The following TACR3 variants were observed in gnomAD, a reference collection of about 807,000 sequenced individuals.
The protein encoded by TACR3 is neuromedin-K receptor.
Under a neutral mutation model 35.0 loss-of-function variants are expected in TACR3, and 34 were observed. The observed-to-expected ratio is 0.97, with a 90% CI of 0.74 to 1.30. The LOEUF is 1.30. TACR3 is among the 50% of genes most tolerant of loss of function. TACR3 has a pLI of 0.00. For missense variants in TACR3, 558 were observed against 591.7 expected, an observed-to-expected ratio of 0.94 and a Z score of 0.59; for synonymous variants, 233 against 221.1, an observed-to-expected ratio of 1.05 and a Z score of -0.48.
intron 3 of TACR3, among the ~76,000 whole-genome samples, chr4:103,621,336 C>CT (rs1472629926): frequency 1.3e-5 from 2 of 152,088 alleles, no homozygotes; most frequent in Admixed American, 6.5e-5. Flanking sequence ...GATGAAGAAG[C>CT]TGGGAGATAA....
chr4:103,653,328 TCTTC>T (rs1381592648), intron 3 of TACR3, among the ~76,000 whole-genome samples: 1 of 152,056 alleles, frequency 6.6e-6, no homozygotes, highest in Non-Finnish European at 1.5e-5. Flanking sequence ...AAAAAATCCC[TCTTC>T]CTTTTTGTTC....
intron 1 of TACR3, among the ~76,000 whole-genome samples, chr4:103,711,218 A>G (rs2110230955): frequency 6.6e-6 from 1 of 152,342 alleles, no homozygotes; most frequent in South Asian, 2.1e-4. Context: ...AATATCCCTG[A>G]TGAACATTGA....
rs1560795375 is a variant in TACR3 at position 103,586,622 on chromosome 4, C to T, written c.*3060G>A. 6.6e-6 allele frequency: 1 copy of T among 152,026 alleles called. No individual in the cohort carries two copies. The highest frequency in any genetic ancestry group is 1.5e-5 in the Non-Finnish European group (1 of 68,000). 9.4% of individuals were successfully genotyped at this position (152,026 alleles called of 1,614,324 possible). A position where few individuals can be genotyped will look rare whatever the true frequency, so the allele number is the denominator to read the frequency against. On this transcript the variant is annotated 3_prime_UTR_variant, in exon 5 of 5. Transcript: ENST00000304883. ...GTGCTTTGTAAGGGCGGGGTTCACT[C>T]TGAAATTGCTCAGTTCACTGTTTCT... is the stretch of plus-strand genomic sequence containing the variant.
chr4:103,655,864 A>G (rs548916928), intron 3 of TACR3, among the ~76,000 whole-genome samples: 22 of 152,196 alleles, frequency 1.4e-4, no homozygotes, highest in Non-Finnish European at 2.9e-4. Context: ...CTTTTCAATA[A>G]ATGACAAAGA....
At chr4:103,604,648 AG>A (rs1398681719) in intron 3 of TACR3, among the ~76,000 whole-genome samples, 2 of 152,218 alleles carry the variant, frequency 1.3e-5, no homozygotes, top group Non-Finnish European at 2.9e-5. Flanking sequence ...CATCTGACAA[AG>A]GGCTAATATC....
At chr4:103,708,015 G>C (rs1722837868) in intron 1 of TACR3, among the ~76,000 whole-genome samples, 1 of 152,198 alleles carries the variant, frequency 6.6e-6, no homozygotes, top group African/African-American at 2.4e-5. Flanking sequence ...AGCTTGAACT[G>C]GGTGGAGCCC....
intron 3 of TACR3, among the ~76,000 whole-genome samples, chr4:103,625,035 C>T (rs1411913221): frequency 1.3e-5 from 2 of 152,082 alleles, no homozygotes; most frequent in African/African-American, 4.8e-5. Context: ...AAGAGAGAAA[C>T]ACGCAATTGC....
chr4:103,701,818 C>T (rs1014966170), intron 1 of TACR3, among the ~76,000 whole-genome samples: 1 of 151,900 alleles, frequency 6.6e-6, no homozygotes, highest in Admixed American at 6.6e-5. Context: ...CCTATTTAAT[C>T]AATGGTGCTG....
chr4:103,646,228 C>T (rs1021254072), intron 3 of TACR3, among the ~76,000 whole-genome samples: 4 of 151,908 alleles, frequency 2.6e-5, no homozygotes, highest in South Asian at 2.1e-4. Context: ...CAATATTAAC[C>T]GCAACTTGAA....
chr4:103,698,287 C>A (rs972258004), intron 1 of TACR3, among the ~76,000 whole-genome samples: 1 of 151,966 alleles, frequency 6.6e-6, no homozygotes, highest in African/African-American at 2.4e-5. Flanking sequence ...AAATTTACTT[C>A]ATTTATACAC....
chr4:103,627,608 T>C (rs1450623437), intron 3 of TACR3, among the ~76,000 whole-genome samples: 2 of 152,050 alleles, frequency 1.3e-5, no homozygotes, highest in Non-Finnish European at 2.9e-5. Flanking sequence ...CCTAAATATA[T>C]ATGCACCCAA....
At chr4:103,616,616 A>C (rs140214851) in intron 3 of TACR3, among the ~76,000 whole-genome samples, 9 of 152,264 alleles carry the variant, frequency 5.9e-5, no homozygotes, top group African/African-American at 2.2e-4. Flanking sequence ...CCTAAAACCA[A>C]GGGCAAAACT....
At chr4:103,619,146 G>A (rs1046936142) in intron 3 of TACR3, among the ~76,000 whole-genome samples, 2 of 151,996 alleles carry the variant, frequency 1.3e-5, no homozygotes, top group Non-Finnish European at 2.9e-5. Context: ...AGACTATAGG[G>A]TTTTCTAGGT....
intron 3 of TACR3, among the ~76,000 whole-genome samples, chr4:103,593,934 T>C (rs1723947722): frequency 6.6e-6 from 1 of 152,166 alleles, no homozygotes; most frequent in South Asian, 2.1e-4. Flanking sequence ...TTCGGGCACC[T>C]AGACTGGACT....
chr4:103,709,249 C>G (rs1418538388), intron 1 of TACR3, among the ~76,000 whole-genome samples: 1 of 152,098 alleles, frequency 6.6e-6, no homozygotes, highest in African/African-American at 2.4e-5. Context: ...TTAAGGGCAG[C>G]CAGAGAGAAA....
At chr4:103,689,672 C>G (rs555183529) in intron 1 of TACR3, among the ~76,000 whole-genome samples, 1 of 151,954 alleles carries the variant, frequency 6.6e-6, no homozygotes, top group South Asian at 2.1e-4. Flanking sequence ...AAATTAAAGA[C>G]AAATGAACAA....
intron 1 of TACR3, among the ~76,000 whole-genome samples, chr4:103,694,000 AG>A (rs33919943): frequency 0.03 from 4,610 of 152,238 alleles, 226 homozygotes; most frequent in African/African-American, 0.1. Flanking sequence ...ATTGGTTTGT[AG>A]TACTTTCTTT....
intron 1 of TACR3, among the ~76,000 whole-genome samples, chr4:103,665,285 A>C (rs1725913455): frequency 6.6e-6 from 1 of 151,884 alleles, no homozygotes; most frequent in African/African-American, 2.4e-5. Flanking sequence ...GACTATGACT[A>C]TTCATATATG....
chr4:103,629,844 G>T, intron 3 of TACR3, among the ~76,000 whole-genome samples: 1 of 55,390 alleles, frequency 1.8e-5, no homozygotes, highest in South Asian at 5.5e-4. Context: ...ACAATCCTAA[G>T]CAAAACAAAA....
Sources: gnomAD v4.1 joint callset for allele counts (sites outside exome capture counted in the v4.1 genomes callset) on GRCh38, gnomAD v4.1.1 for gene constraint, MANE v1.5 for transcripts, NCBI Gene and HGNC (gene_info 2026-07-23, HGNC 2026-07-21) for gene names.